The following NT5C2 variants were observed in gnomAD, a reference collection of about 807,000 sequenced individuals.
NT5C2 encodes 5'-nucleotidase, cytosolic II.
In NT5C2, 58 loss-of-function variants were observed where a neutral mutation model predicts 76.1. The observed-to-expected ratio is 0.76, with a 90% CI of 0.62 to 0.95. The LOEUF is 0.95. Ranked by LOEUF, NT5C2 falls within the 40% of genes least tolerant of loss-of-function variation. The pLI, the probability that NT5C2 is intolerant of heterozygous loss-of-function variation, is 0.00. For missense variants in NT5C2, 478 were observed against 690.3 expected, an observed-to-expected ratio of 0.69 and a Z score of 3.45; for synonymous variants, 229 against 237.4, an observed-to-expected ratio of 0.96 and a Z score of 0.32.
Position 103,089,924 on chromosome 10 carries a change from C to T in NT5C2, c.1450-16G>A, listed in dbSNP as rs897965535. The T allele has an allele frequency of 6.4e-7, 1 of 1,567,318 alleles. No homozygotes were observed. Among genetic ancestry groups the T allele is most frequent in the African/African-American group, 1.4e-5 (1 of 73,130 alleles). ...CATGAGGCATCTAGACAGAAAAAAG[C>T]TAGAGGCTCAGAAAGCAGGCAGAGC... On this transcript the variant is annotated splice_polypyrimidine_tract_variant and intron_variant, in intron 18 of 18. Transcript: ENST00000404739.
intron 4 of NT5C2, among the ~76,000 whole-genome samples, chr10:103,123,286 C>A (rs2076044110): frequency 6.6e-6 from 1 of 151,964 alleles, no homozygotes. Flanking sequence ...CCACACACTG[C>A]TAATATTTTT....
chr10:103,145,440 ATC>A (rs2081313146), intron 3 of NT5C2, among the ~76,000 whole-genome samples: 1 of 152,214 alleles, frequency 6.6e-6, no homozygotes, highest in Admixed American at 6.5e-5. Flanking sequence ...AAAAAGATTT[ATC>A]TGCTTGAGGA....
intron 4 of NT5C2, among the ~76,000 whole-genome samples, chr10:103,123,214 C>T (rs891815716): frequency 1.3e-5 from 2 of 152,144 alleles, no homozygotes; most frequent in African/African-American, 4.8e-5. Context: ...CCTCAAACTC[C>T]TTGGCTAACA....
chr10:103,174,052 T>C (rs1437169757), intron 3 of NT5C2, among the ~76,000 whole-genome samples: 4 of 144,654 alleles, frequency 2.8e-5, no homozygotes, highest in Admixed American at 1.4e-4. Flanking sequence ...GCTGAGATCA[T>C]GCCACTGCAT....
intron 4 of NT5C2, among the ~76,000 whole-genome samples, chr10:103,137,821 T>C (rs1439583916): frequency 2.0e-5 from 3 of 152,224 alleles, no homozygotes; most frequent in Non-Finnish European, 4.4e-5. Context: ...TACTGATTAA[T>C]ACATTGACTC....
intron 1 of NT5C2, among the ~76,000 whole-genome samples, chr10:103,188,591 G>A (rs993403123): frequency 2.0e-5 from 3 of 152,188 alleles, no homozygotes; most frequent in African/African-American, 7.2e-5. Context: ...AGACTCTCAA[G>A]TTCCCTTCCA....
In NT5C2 at chr10:103,095,934, G is replaced by A; in HGVS notation, c.813+5C>T. 7 of 1,610,868 alleles carry A rather than the reference G, an allele frequency of 4.3e-6. No individual in the cohort carries two copies. Among genetic ancestry groups the A allele is most frequent in the Non-Finnish European group, 5.9e-6 (7 of 1,177,390 alleles). ...AGCAGTGGTCTATTGAGTCACATAC[G>A]GTACCTTGGGGCCATGTGGGAAGTC... On this transcript the variant is annotated splice_donor_5th_base_variant and intron_variant, in intron 12 of 18. Coordinates refer to ENST00000404739, the MANE Select transcript of NT5C2 (RefSeq NM_001351169.2).
At chr10:103,118,942 T>C (rs1196542989) in intron 4 of NT5C2, among the ~76,000 whole-genome samples, 2 of 152,078 alleles carry the variant, frequency 1.3e-5, no homozygotes, top group Non-Finnish European at 2.9e-5. Flanking sequence ...CAAAAACTCT[T>C]AAGAAAAAAG....
chr10:103,151,435 G>T (rs2082378888), intron 3 of NT5C2, among the ~76,000 whole-genome samples: 1 of 149,114 alleles, frequency 6.7e-6, no homozygotes, highest in Non-Finnish European at 1.5e-5. Context: ...CTGCACTCCA[G>T]CCTGGGCAAC....
chr10:103,185,170 G>A (rs2091849063), intron 1 of NT5C2, among the ~76,000 whole-genome samples: 1 of 152,052 alleles, frequency 6.6e-6, no homozygotes, highest in East Asian at 1.9e-4. Context: ...TGACACAAAG[G>A]AACAAGAGAG....
chr10:103,178,954 C>CTTTTTTTT (rs758982511), intron 2 of NT5C2, among the ~76,000 whole-genome samples: 33,684 of 126,966 alleles, frequency 0.27, 4,792 homozygotes, highest in Middle Eastern at 0.29. Flanking sequence ...TTCTTTTTTT[C>CTTTTTTTT]TTTTTTTTTT....
chr10:103,122,129 A>G (rs2075791173), intron 4 of NT5C2, among the ~76,000 whole-genome samples: 2 of 152,182 alleles, frequency 1.3e-5, no homozygotes, highest in Admixed American at 1.3e-4. Context: ...AGCCGAGATC[A>G]CCCCACTGCA....
chr10:103,130,233 T>A (rs1045945674), intron 4 of NT5C2, among the ~76,000 whole-genome samples: 3 of 151,668 alleles, frequency 2.0e-5, no homozygotes, highest in Non-Finnish European at 4.4e-5. Context: ...TGCCTTGGGA[T>A]CCTGTTGATC....
intron 3 of NT5C2, among the ~76,000 whole-genome samples, chr10:103,154,737 G>A (rs1565206695): frequency 6.6e-6 from 1 of 152,064 alleles, no homozygotes; most frequent in African/African-American, 2.4e-5. Context: ...ATATCTCATG[G>A]GAAATACTTT....
At chr10:103,141,463 A>C (rs1195299065) in intron 3 of NT5C2, among the ~76,000 whole-genome samples, 5 of 152,198 alleles carry the variant, frequency 3.3e-5, no homozygotes, top group African/African-American at 1.2e-4. Flanking sequence ...GTTCCCAAAA[A>C]AATAACAAAT....
At position 103,093,944 on chromosome 10, in the gene NT5C2, A is replaced by G. The variant is rs764229296; in HGVS notation, c.988+28T>C. On this transcript the variant is annotated intron_variant, in intron 14 of 18. Coordinates refer to ENST00000404739, the MANE Select transcript of NT5C2 (RefSeq NM_001351169.2). ...TTCACTGTGAGGTCTGAGCAAAGAC[A>G]TTAAATAAAGGGAAGTCTGTGACTT... is the stretch of plus-strand genomic sequence containing the variant. 1.7e-5 allele frequency: 27 copies of G among 1,558,438 alleles called. No homozygotes were observed. The African/African-American group carries it at 3.4e-4, about 20-fold the overall frequency.
intron 4 of NT5C2, among the ~76,000 whole-genome samples, chr10:103,128,074 CCTCTCCCTCTCCCTCT>C (rs1397216052): frequency 1.4e-5 from 2 of 142,314 alleles, no homozygotes; most frequent in African/African-American, 5.4e-5. Flanking sequence ...TCTCCCTCTC[CCTCTCCCTCTCCCTCT>C]GTCTCCCTCT....
Position 103,090,795 on chromosome 10 carries a change from A to G in NT5C2, c.1273-8T>C. On this transcript the variant is annotated splice_polypyrimidine_tract_variant and splice_region_variant and intron_variant, in intron 17 of 18. Transcript: ENST00000404739. ...CATGTCATGAGTTACTTTCTAAAACAAAGAACAAGATTGATTCTTGGCTCA... is the reference window on the plus strand; with the variant it reads ...CATGTCATGAGTTACTTTCTAAAACGAAGAACAAGATTGATTCTTGGCTCA... 6.2e-7 allele frequency: 1 copy of G among 1,613,716 alleles called. No individual in the cohort carries two copies. Among genetic ancestry groups the G allele is most frequent in the Non-Finnish European group, 8.5e-7 (1 of 1,179,776 alleles).
intron 4 of NT5C2, among the ~76,000 whole-genome samples, chr10:103,114,881 C>A (rs1231668592): frequency 6.6e-6 from 1 of 152,190 alleles, no homozygotes; most frequent in African/African-American, 2.4e-5. Context: ...TCACAACATC[C>A]TCATGATCTG....
Sources: gnomAD v4.1 joint callset for allele counts (sites outside exome capture counted in the v4.1 genomes callset) on GRCh38, gnomAD v4.1.1 for gene constraint, MANE v1.5 for transcripts, NCBI Gene and HGNC (gene_info 2026-07-23, HGNC 2026-07-21) for gene names.